COL6A5: variants seen among roughly 807,000 people sequenced by gnomAD.
The protein encoded by COL6A5 is collagen alpha-5(VI) chain.
Under a neutral mutation model 65.6 loss-of-function variants are expected in COL6A5, and 48 were observed. That is an observed-to-expected ratio of 0.73 (90% confidence interval 0.58 to 0.93). The LOEUF (loss-of-function observed/expected upper bound fraction) is 0.93. Ranked by LOEUF, COL6A5 falls within the 40% of genes least tolerant of loss-of-function variation. The pLI is 0.00. For missense variants in COL6A5, 914 were observed against 928.3 expected (o/e 0.98, Z 0.20); for synonymous variants, 291 against 322.8 (o/e 0.90, Z 1.05).
exon 4 of COL6A5, chr3:130,379,951 G>A (rs938462105): frequency 6.4e-7 from 1 of 1,551,294 alleles, no homozygotes; most frequent in Non-Finnish European, 8.7e-7. Flanking sequence ...GTCCTATGCA[G>A]ACTTAGAAAC....
intron 4 of COL6A5, among the ~76,000 whole-genome samples, chr3:130,446,242 C>T (rs1709300579): frequency 6.6e-6 from 1 of 152,046 alleles, no homozygotes; most frequent in Non-Finnish European, 1.5e-5. Context: ...CACACACTAT[C>T]GTTAGTGTAG....
exon 5 of COL6A5, chr3:130,384,881 C>A (rs1207893002): frequency 6.4e-7 from 1 of 1,550,794 alleles, no homozygotes; most frequent in Non-Finnish European, 8.7e-7. Context: ...ACAGTTTGAG[C>A]AAATCAAGAG....
At chr3:130,440,465 A>C (rs1709149688) in exon 3 of COL6A5, 2 of 1,613,754 alleles carry the variant, frequency 1.2e-6, no homozygotes, top group African/African-American at 1.3e-5. Flanking sequence ...CCTAATGAAG[A>C]ATCACATCCA....
chr3:130,393,918 C>A (rs1360543209), intron 7 of COL6A5, among the ~76,000 whole-genome samples: 1 of 152,172 alleles, frequency 6.6e-6, no homozygotes. Context: ...AGCTGTTTAC[C>A]GCCTGCCCAT....
intron 4 of COL6A5, among the ~76,000 whole-genome samples, chr3:130,445,956 C>T (rs772166150): frequency 6.6e-5 from 10 of 152,082 alleles, no homozygotes; most frequent in Non-Finnish European, 1.5e-4. Flanking sequence ...GCATGGTTTT[C>T]CTGCAGGTTT....
chr3:130,385,032 T>G (rs1443001854), exon 5 of COL6A5: 3 of 1,550,916 alleles, frequency 1.9e-6, no homozygotes, highest in Non-Finnish European at 2.6e-6. Flanking sequence ...AAGGCTATTT[T>G]TAACATTAAG....
At chr3:130,391,106 C>A in intron 6 of COL6A5, 73 bp from the exon 7 acceptor site, 1 of 1,051,644 alleles carries the variant, frequency 9.5e-7, no homozygotes, top group Non-Finnish European at 1.4e-6. Flanking sequence ...AATGCCAGTT[C>A]GCTTCCCTTC....
At chr3:130,353,857 T>G (rs949984046) in intron 1 of COL6A5, among the ~76,000 whole-genome samples, 4 of 151,966 alleles carry the variant, frequency 2.6e-5, no homozygotes, top group Non-Finnish European at 5.9e-5. Context: ...CCATAAAATA[T>G]TAAATGAATA....
In COL6A5 at chr3:130,384,886, C is replaced by A. The variant is rs750947538; in HGVS notation, c.1383C>A (p.Ile461=). The change falls in exon 5 of 42, where the codon ATC becomes ATA. Residue 461 remains isoleucine (I), a synonymous_variant and NMD_transcript_variant. Transcript: ENST00000312481. The stretch of plus-strand genomic sequence containing the variant: ...TCCAGGAGAAACAGTTTGAGCAAAT[C>A]AAGAGATTTATGTTGGAAGTGACAG... 12 of 1,550,842 alleles carry A rather than the reference C, an allele frequency of 7.7e-6. No homozygotes were observed. In the South Asian group the frequency reaches 1.3e-4, roughly 17 times the overall value.
At chr3:130,374,685 C>G (rs1374726116) in intron 2 of COL6A5, among the ~76,000 whole-genome samples, 2 of 152,126 alleles carry the variant, frequency 1.3e-5, no homozygotes, top group African/African-American at 2.4e-5. Flanking sequence ...ATCTCCTGGG[C>G]TCAAGTGATC....
intron 10 of COL6A5, among the ~76,000 whole-genome samples, chr3:130,399,548 T>TC (rs1936735517): frequency 6.6e-6 from 1 of 151,714 alleles, no homozygotes; most frequent in South Asian, 2.1e-4. Flanking sequence ...TTTTTTTTTA[T>TC]TTTTAGTAGA....
chr3:130,378,682 C>T (rs946763971), intron 3 of COL6A5, among the ~76,000 whole-genome samples: 5 of 152,122 alleles, frequency 3.3e-5, no homozygotes, highest in Non-Finnish European at 5.9e-5. Context: ...CCACCTCTTG[C>T]TGTTCTATCT....
upstream of COL6A5, among the ~76,000 whole-genome samples, chr3:130,428,571 CT>C (rs1937661620): frequency 6.6e-6 from 1 of 152,162 alleles, no homozygotes; most frequent in Admixed American, 6.5e-5. Flanking sequence ...TAATTTCCCC[CT>C]AAGTCACCCA....
At chr3:130,400,969 GTCT>G (rs1167490913) in intron 10 of COL6A5, 59 bp from the exon 11 acceptor site, 3 of 1,306,912 alleles carry the variant, frequency 2.3e-6, no homozygotes, top group East Asian at 2.6e-5. Context: ...GAATTATTAT[GTCT>G]TCTTCTTTTT....
intron 1 of COL6A5, among the ~76,000 whole-genome samples, chr3:130,371,151 GAAA>G (rs1237771902): frequency 6.6e-6 from 1 of 152,148 alleles, no homozygotes; most frequent in African/African-American, 2.4e-5. Context: ...GAGCATCAGT[GAAA>G]ATATGAAATA....
intron 20 of COL6A5, among the ~76,000 whole-genome samples, chr3:130,413,049 C>G (rs1937227471): frequency 6.6e-6 from 1 of 152,078 alleles, no homozygotes; most frequent in Admixed American, 6.6e-5. Context: ...GGGTGCAAAT[C>G]TCATTCTTGC....
intron 4 of COL6A5, among the ~76,000 whole-genome samples, chr3:130,449,415 C>T (rs545990917): frequency 4.2e-4 from 64 of 152,158 alleles, no homozygotes; most frequent in African/African-American, 1.3e-3. Context: ...AAATCTCTAC[C>T]CCAAAGATTA....
At chr3:130,413,220 G>A (rs1235606813) in intron 20 of COL6A5, among the ~76,000 whole-genome samples, 1 of 147,402 alleles carries the variant, frequency 6.8e-6, no homozygotes, top group East Asian at 1.9e-4. Context: ...GTGCTTTTTG[G>A]GATTTGCCGG....
intron 3 of COL6A5, among the ~76,000 whole-genome samples, chr3:130,378,473 T>A (rs1337656512): frequency 6.6e-6 from 1 of 152,184 alleles, no homozygotes; most frequent in Non-Finnish European, 1.5e-5. Flanking sequence ...TCATTATCTC[T>A]TTCCTGGACT....
Sources: gnomAD v4.1 joint callset for allele counts (sites outside exome capture counted in the v4.1 genomes callset) on GRCh38, gnomAD v4.1.1 for gene constraint, MANE v1.5 for transcripts, NCBI Gene and HGNC (gene_info 2026-07-23, HGNC 2026-07-21) for gene names.